MIOX: variants seen among roughly 807,000 people sequenced by gnomAD.
MIOX encodes inositol oxygenase.
In MIOX, 51 loss-of-function variants were observed where a neutral mutation model predicts 42.7. The ratio of observed to expected loss-of-function variants is 1.19; its 90% CI spans 0.95 to 1.51. The LOEUF is 1.51. Among genes scored for constraint, MIOX ranks in the 40% most tolerant of loss-of-function variants. The pLI, the probability that MIOX is intolerant of heterozygous loss-of-function variation, is 0.00. For synonymous variants in MIOX, 168 were observed against 154.4 expected (o/e 1.09, Z -0.65); for missense variants, 395 against 381.3 (o/e 1.04, Z -0.30).
In MIOX at chr22:50,489,873, G is replaced by A. The variant is rs1400392678; in HGVS notation, c.*17G>A. 1 of 1,604,426 alleles carries A rather than the reference G, an allele frequency of 6.2e-7. No homozygotes were observed. The highest frequency in any genetic ancestry group is 8.5e-7 in the Non-Finnish European group (1 of 1,176,416). ...AGCTGGTGACCCTCCTGCCACCCAA[G>A]CTGCTGCTGGACCTAGGCCTGGCCC... On this transcript the variant is annotated 3_prime_UTR_variant, in exon 10 of 10. Transcript: ENST00000216075.
At chr22:50,487,594 T>C in intron 2 of MIOX, 68 bp from the exon 3 acceptor site, 1 of 1,566,324 alleles carries the variant, frequency 6.4e-7, no homozygotes. Context: ...TGGGGCTGCC[T>C]GGGAGAGGGG....
At position 50,487,432 on chromosome 22, in the gene MIOX, G is replaced by A. The variant is rs373785058; in HGVS notation, c.63G>A (p.Val21=). ...ACCGACCTGATGTGGACCCAGAGGT[G>A]GCCAAAGACAAGGCCAGCTTCCGGA... The part of the protein sequence containing the change: ...LVYRPDVDPE[V]AKDKASFRNY... The change falls in exon 2 of 10, where the codon GTG becomes GTA. Residue 21 remains valine (V), a synonymous_variant. Coordinates refer to ENST00000216075, the MANE Select transcript of MIOX (RefSeq NM_017584.6). The A allele has an allele frequency of 2.5e-6, 4 of 1,613,770 alleles. No homozygotes were observed. The highest frequency in any genetic ancestry group is 3.4e-6 in the Non-Finnish European group (4 of 1,179,948).
At position 50,488,028 on chromosome 22, in the gene MIOX, G is replaced by A. The variant is rs769242335; in HGVS notation, c.320G>A (p.Arg107Gln). Reference protein sequence around the residue: ...FHAFQTAEGIRKAHPDKDWFH... With the variant: ...FHAFQTAEGIQKAHPDKDWFH... ...GCCTTCCAGACAGCGGAGGGCATCC[G>A]GAAGGCCCACCCAGACAAGGGTGAG... is the stretch of plus-strand genomic sequence containing the variant. Residue 107 changes from arginine (R) to glutamine (Q), a missense_variant, in exon 4 of 10, where the codon CGG (arginine) becomes CAG (glutamine). Coordinates refer to ENST00000216075, the MANE Select transcript of MIOX (RefSeq NM_017584.6). 15 of 1,613,614 alleles carry A rather than the reference G, an allele frequency of 9.3e-6. No homozygotes were observed. The highest frequency in any genetic ancestry group is 4.5e-5 in the East Asian group (2 of 44,896).
At chr22:50,486,973 T>A (rs1272818695) in intron 1 of MIOX, 61 bp downstream of exon 1, 1 of 1,601,748 alleles carries the variant, frequency 6.2e-7, no homozygotes, top group Non-Finnish European at 8.5e-7. Context: ...GGCCAGCCAC[T>A]CCCGCCCTCT....
In MIOX at chr22:50,490,092, G is replaced by T. The variant is rs931610450; in HGVS notation, c.*236G>T. ...ACTGCAGCAGGGCGTGGCCCAGGCC[G>T]AGGGATGGTGCCAGCAGGGTGGAGG... On this transcript the variant is annotated 3_prime_UTR_variant, in exon 10 of 10. Transcript: ENST00000216075. 3 of 555,696 alleles carry T rather than the reference G, an allele frequency of 5.4e-6. No homozygotes were observed. In the East Asian group the frequency reaches 9.1e-5, roughly 17 times the overall value. 34.4% of individuals were successfully genotyped at this position (555,696 alleles called of 1,614,324 possible).
intron 1 of MIOX, among the ~76,000 whole-genome samples, 178 bp downstream of exon 1, chr22:50,487,090 C>T (rs2068278347): frequency 6.6e-6 from 1 of 152,236 alleles, no homozygotes; most frequent in South Asian, 2.1e-4. Flanking sequence ...AAGCCACTTC[C>T]ACCCCTCAAG....
At position 50,488,292 on chromosome 22, in the gene MIOX, G is replaced by A. The variant is rs761767637; in HGVS notation, c.358G>A (p.Gly120Arg). 1.9e-5 allele frequency: 30 copies of A among 1,613,104 alleles called. No individual in the cohort carries two copies. The highest frequency in any genetic ancestry group is 3.3e-5 in the South Asian group (3 of 90,926). The change falls in exon 5 of 10, where the codon GGG (glycine) becomes AGG (arginine). Residue 120 changes from glycine (G) to arginine (R), a missense_variant. Transcript: ENST00000216075. ...CCTCCCAGACTGGTTCCACCTCGTCGGGCTCCTGCACGACCTGGGGAAGGT... is the reference window on the plus strand; with the variant it reads ...CCTCCCAGACTGGTTCCACCTCGTCAGGCTCCTGCACGACCTGGGGAAGGT... ...HPDKDWFHLV[G>R]LLHDLGKVLA... is the part of the protein sequence containing the mutation.
Position 50,487,710 on chromosome 22 carries a change from ACGCACC to A in MIOX, c.146_151del (p.Thr49_Gln51delinsLys), listed in dbSNP as rs757138171. On this transcript the variant is annotated inframe_deletion, in exon 3 of 10. Coordinates refer to ENST00000216075, the MANE Select transcript of MIOX (RefSeq NM_017584.6). ...CTTCACCACCTACAAGCTCATGCAC[ACGCACC>A]AGACAGTGGACTTCGTCAGGAGCAA... is the stretch of plus-strand genomic sequence containing the variant. 6.2e-7 allele frequency: 1 copy of A among 1,613,818 alleles called. No individual in the cohort carries two copies. The highest frequency in any genetic ancestry group is 1.7e-5 in the Admixed American group (1 of 60,010).
chr22:50,489,916 G>A lies in MIOX; in HGVS notation c.*60G>A. On this transcript the variant is annotated 3_prime_UTR_variant, in exon 10 of 10. Transcript: ENST00000216075. ...CCTGGCCCTCCGCCTGCCTGGAGAG[G>A]CCTGGCCCTGGGCAAACAGCCGCCA... The A allele has an allele frequency of 6.6e-7, 1 of 1,512,758 alleles. No homozygotes were observed. The highest frequency in any genetic ancestry group is 1.1e-5 in the South Asian group (1 of 89,082). The allele number at this position is 1,512,758 out of a possible 1,614,324, so 93.7% of individuals were successfully genotyped here.
In MIOX at chr22:50,487,402, G is replaced by C. The variant is rs749852989; in HGVS notation, c.33G>C (p.Leu11=). The change falls in exon 2 of 10, where the codon CTG becomes CTC. Residue 11 remains leucine (L), a synonymous_variant. Transcript: ENST00000216075. The part of the protein sequence containing the change: MKVTVGPDPS[L]VYRPDVDPEV... ...CTACCCAGGGCCCAGACCCTTCCCT[G>C]GTCTACCGACCTGATGTGGACCCAG... The C allele has an allele frequency of 1.2e-6, 2 of 1,613,696 alleles. No homozygotes were observed. The highest frequency in any genetic ancestry group is 2.2e-5 in the East Asian group (1 of 44,884).
In MIOX at chr22:50,488,294, G is replaced by T; in HGVS notation, c.360G>T (p.Gly120=). Residue 120 remains glycine (G), a synonymous_variant, in exon 5 of 10, where the codon GGG becomes GGT. Coordinates refer to ENST00000216075, the MANE Select transcript of MIOX (RefSeq NM_017584.6). ...TCCCAGACTGGTTCCACCTCGTCGG[G>T]CTCCTGCACGACCTGGGGAAGGTCC... ...HPDKDWFHLV[G]LLHDLGKVLA... is the part of the protein sequence containing the mutation. 2 of 1,613,134 alleles carry T rather than the reference G, an allele frequency of 1.2e-6. No homozygotes were observed. The highest frequency in any genetic ancestry group is 1.7e-6 in the Non-Finnish European group (2 of 1,179,512).
chr22:50,489,800 C>T lies in MIOX; in HGVS notation c.802C>T (p.Arg268Trp), dbSNP rs751834234. The change falls in exon 10 of 10, where the codon CGG becomes TGG. Residue 268 changes from arginine to tryptophan, a missense_variant. Arg to Trp is a moderately radical substitution (Grantham distance 101). Coordinates refer to ENST00000216075, the MANE Select transcript of MIOX (RefSeq NM_017584.6). Reference protein sequence around the residue: ...CPDLPDVDKLRPYYQGLIDKY... With the variant: ...CPDLPDVDKLWPYYQGLIDKY... The stretch of plus-strand genomic sequence containing the variant: ...GGACCTGCCGGACGTGGACAAGCTG[C>T]GGCCCTACTACCAGGGGCTCATTGA... The T allele has an allele frequency of 1.7e-5, 27 of 1,611,934 alleles. No individual in the cohort carries two copies. Among genetic ancestry groups the T allele is most frequent in the African/African-American group, 1.1e-4 (8 of 74,886 alleles).
chr22:50,490,219 C>T lies in MIOX; in HGVS notation c.*363C>T. 1 of 301,084 alleles carries T rather than the reference C, an allele frequency of 3.3e-6. No individual in the cohort carries two copies. The highest frequency in any genetic ancestry group is 1.1e-3 in the Middle Eastern group (1 of 906). 18.7% of individuals were successfully genotyped at this position (301,084 alleles called of 1,614,324 possible). A position where few individuals can be genotyped will look rare whatever the true frequency, so the allele number is the denominator to read the frequency against. On this transcript the variant is annotated 3_prime_UTR_variant, in exon 10 of 10. Transcript: ENST00000216075. ...GTGTCAGAGCCTGGGGGACGAGTCA[C>T]CCAGCTCACCCCCACATGCTCAAAA...
Position 50,489,889 on chromosome 22 carries a change from G to A in MIOX, c.*33G>A, listed in dbSNP as rs374823235. On this transcript the variant is annotated 3_prime_UTR_variant, in exon 10 of 10. Coordinates refer to ENST00000216075, the MANE Select transcript of MIOX (RefSeq NM_017584.6). ...GCCACCCAAGCTGCTGCTGGACCTA[G>A]GCCTGGCCCTCCGCCTGCCTGGAGA... 200 of 1,593,186 alleles carry A rather than the reference G, an allele frequency of 1.3e-4. No individual in the cohort carries two copies. The highest frequency in any genetic ancestry group is 1.6e-4 in the Non-Finnish European group (190 of 1,167,786).
chr22:50,488,383 G>A, intron 5 of MIOX, 41 bp downstream of exon 5: 7 of 1,520,812 alleles, frequency 4.6e-6, no homozygotes, highest in Non-Finnish European at 5.4e-6. Flanking sequence ...TGCATGTTGA[G>A]GCAAGGTGGG....
In MIOX at chr22:50,487,730, C is replaced by G; in HGVS notation, c.165C>G (p.Phe55Leu). ...KLMHTHQTVD[F>L]VRSKHAQFGG... ...TGCACACGCACCAGACAGTGGACTT[C>G]GTCAGGAGCAAGGTAGGCGTTTCCT... is the stretch of plus-strand genomic sequence containing the variant. The change falls in exon 3 of 10, where the codon TTC becomes TTG. Residue 55 changes from phenylalanine to leucine, a missense_variant. Coordinates refer to ENST00000216075, the MANE Select transcript of MIOX (RefSeq NM_017584.6). 6.2e-7 allele frequency: 1 copy of G among 1,613,880 alleles called. No individual in the cohort carries two copies. The highest frequency in any genetic ancestry group is 8.5e-7 in the Non-Finnish European group (1 of 1,179,980).
In MIOX at chr22:50,488,169, TGGGGAGCAGGCCCTGGACCC is replaced by T. The variant is rs2148635281; in HGVS notation, c.341-105_341-86del. 2.5e-6 allele frequency: 4 copies of T among 1,584,472 alleles called. No homozygotes were observed. The Admixed American group carries it at 5.3e-5, about 21-fold the overall frequency. On this transcript the variant is annotated intron_variant, in intron 4 of 9. Transcript: ENST00000216075. The stretch of plus-strand genomic sequence containing the variant: ...CCTCCTCCAGCAGCCCTGCCTGGGT[TGGGGAGCAGGCCCTGGACCC>T]TTCCTGGCTCTCAGCCCCGCAAACC...
chr22:50,489,619 A>G lies in MIOX; in HGVS notation c.724A>G (p.Met242Val), dbSNP rs746054609. 14 of 1,551,182 alleles carry G rather than the reference A, an allele frequency of 9.0e-6. No individual in the cohort carries two copies. Among genetic ancestry groups the G allele is most frequent in the East Asian group, 7.4e-5 (3 of 40,434 alleles). Residue 242 changes from methionine (M) to valine (V), a missense_variant, in exon 9 of 10, where the codon ATG becomes GTG. Met to Val is a conservative substitution (Grantham distance 21). Transcript: ENST00000216075. ...QQLCSQQDLA[M>V]LPWVREFNKF... Reference sequence around the variant, plus strand: ...GCTGTGCAGCCAGCAGGACCTGGCCATGCTGCCCTGGGTGCGGGAGTTCAA... The same window carrying G: ...GCTGTGCAGCCAGCAGGACCTGGCCGTGCTGCCCTGGGTGCGGGAGTTCAA...
rs955294033 is a variant in MIOX, at chr22:50,488,355, A to C, written c.408+13A>C. The C allele has an allele frequency of 3.2e-6, 5 of 1,586,788 alleles. No individual in the cohort carries two copies. In the African/African-American group the frequency reaches 5.4e-5, roughly 17 times the overall value. On this transcript the variant is annotated intron_variant, in intron 5 of 9. Coordinates refer to ENST00000216075, the MANE Select transcript of MIOX (RefSeq NM_017584.6). ...CGGGGAGCCCCAGGTAAGAGTTGGA[A>C]GTGGAGGGTGAGGAGGCTGCATGTT...
Sources: gnomAD v4.1 joint callset for allele counts (sites outside exome capture counted in the v4.1 genomes callset) on GRCh38, gnomAD v4.1.1 for gene constraint, MANE v1.5 for transcripts, NCBI Gene and HGNC (gene_info 2026-07-23, HGNC 2026-07-21) for gene names.